The following ATG13 variants were observed in gnomAD, a reference collection of about 807,000 sequenced individuals.
ATG13 encodes the protein autophagy-related protein 13.
In ATG13, 23 loss-of-function variants were observed where a neutral mutation model predicts 65.5. The ratio of observed to expected loss-of-function variants is 0.35; its 90% CI spans 0.25 to 0.50. The LOEUF (loss-of-function observed/expected upper bound fraction) is 0.50, where lower values mean the gene tolerates loss of function less well. Among genes scored for constraint, ATG13 ranks in the 20% least tolerant of loss-of-function variants. The pLI is 0.98. For missense variants in ATG13, 566 were observed against 677.0 expected (o/e 0.84, Z 1.82); for synonymous variants, 252 against 245.2 (o/e 1.03, Z -0.26).
At position 46,645,206 on chromosome 11, in the gene ATG13, C is replaced by G. The variant is rs1035501202; in HGVS notation, c.70-133C>G. Reference sequence around the variant, plus strand: ...CTCAAAAATTAAAATTATACTGTTTCCCAAAGTATACTTATGATTAATTGG... The same window carrying G: ...CTCAAAAATTAAAATTATACTGTTTGCCAAAGTATACTTATGATTAATTGG... On this transcript the variant is annotated intron_variant, in intron 3 of 18. Coordinates refer to ENST00000683050, the MANE Select transcript of ATG13 (RefSeq NM_001346311.2). 6 of 661,428 alleles carry G rather than the reference C, an allele frequency of 9.1e-6. No homozygotes were observed. In the African/African-American group the frequency reaches 9.2e-5, roughly 10 times the overall value. 41.0% of individuals were successfully genotyped at this position (661,428 alleles called of 1,614,324 possible). A position where few individuals can be genotyped will look rare whatever the true frequency, so the allele number is the denominator to read the frequency against.
At chr11:46,641,611 C>CT (rs1224543906) in intron 2 of ATG13, among the ~76,000 whole-genome samples, 1 of 152,112 alleles carries the variant, frequency 6.6e-6, no homozygotes, top group Non-Finnish European at 1.5e-5. Flanking sequence ...GATTTATAGA[C>CT]TGAGAGGGGT....
rs1364299971 is a variant in ATG13 at position 46,650,140 on chromosome 11, A to T, written c.318-37A>T. Reference sequence around the variant, plus strand: ...TTGGTCTTGTGTAGCTCCAGCGCTAAATAGAAGAATGCTGACCATATCTTT... The same window carrying T: ...TTGGTCTTGTGTAGCTCCAGCGCTATATAGAAGAATGCTGACCATATCTTT... On this transcript the variant is annotated intron_variant, in intron 6 of 18. Transcript: ENST00000683050. 10 of 1,606,086 alleles carry T rather than the reference A, an allele frequency of 6.2e-6. No homozygotes were observed. The Admixed American group carries it at 1.3e-4, about 22-fold the overall frequency.
Position 46,645,436 on chromosome 11 carries a change from T to C in ATG13, c.150+17T>C. On this transcript the variant is annotated intron_variant, in intron 4 of 18. Transcript: ENST00000683050. ...TCAGATTGGGTAAAATTCTATTATT[T>C]ACTAAGGTGTATACTGTAGTGTTTG... The C allele has an allele frequency of 6.2e-7, 1 of 1,600,728 alleles. No individual in the cohort carries two copies. The highest frequency in any genetic ancestry group is 8.6e-7 in the Non-Finnish European group (1 of 1,168,772).
intron 12 of ATG13, 72 bp downstream of exon 12, chr11:46,664,167 T>A: frequency 5.1e-6 from 6 of 1,170,906 alleles, no homozygotes; most frequent in Non-Finnish European, 7.3e-6. Flanking sequence ...AAATAAATTA[T>A]AAGGTACAGT....
At position 46,672,242 on chromosome 11, in the gene ATG13, C is replaced by CT; in HGVS notation, c.1576-10dup. On this transcript the variant is annotated splice_polypyrimidine_tract_variant and intron_variant, in intron 18 of 18. Transcript: ENST00000683050. ...GCCTGAATAAACGGCTCTTCCCTCT[C>CT]TTTCCGGTACAGGACTCATTACCAG... is the stretch of plus-strand genomic sequence containing the variant. The CT allele has an allele frequency of 6.2e-7, 1 of 1,614,096 alleles. No homozygotes were observed. The highest frequency in any genetic ancestry group is 8.5e-7 in the Non-Finnish European group (1 of 1,179,940).
intron 13 of ATG13, 119 bp from the exon 14 acceptor site, chr11:46,665,264 A>G: frequency 8.0e-7 from 1 of 1,255,950 alleles, no homozygotes; most frequent in African/African-American, 1.5e-5. Context: ...ATTGCTGCCT[A>G]CTTGGTGGCA....
At chr11:46,635,505 G>T (rs2053642948) in intron 2 of ATG13, among the ~76,000 whole-genome samples, 2 of 152,152 alleles carry the variant, frequency 1.3e-5, no homozygotes, top group South Asian at 4.1e-4. Context: ...AGCAAGAGTT[G>T]CAGGATTTAG....
Position 46,664,071 on chromosome 11 carries a change from G to A in ATG13, c.864G>A (p.Met288Ile), listed in dbSNP as rs1440628687. ...TGACGGACACCCTGAGGGTCCCCAT[G>A]GCAGGACTGGCCTTTTCCCATCAAG... ...PVVTDTLRVP[M>I]AGLAFSHQLS... Residue 288 changes from methionine (M) to isoleucine (I), a missense_variant, in exon 12 of 19, where the codon ATG becomes ATA. Physicochemically the swap from Met to Ile is conservative, Grantham distance 10. Around this residue, in one of 2 missense-constraint regions of ATG13, gnomAD observed 387 missense variants for 409.8 expected, o/e 0.94. Transcript: ENST00000683050. 3.1e-6 allele frequency: 5 copies of A among 1,596,712 alleles called. No individual in the cohort carries two copies. The African/African-American group carries it at 5.4e-5, about 17-fold the overall frequency.
Position 46,672,544 on chromosome 11 carries a change from C to T in ATG13, c.*212C>T, listed in dbSNP as rs1223261311. ...CCAGTGCCCAGTTGGAGAAGACTCA[C>T]GTGCTGGCCTTGGAGATGGGAAGAA... On this transcript the variant is annotated 3_prime_UTR_variant, in exon 19 of 19. Transcript: ENST00000683050. The T allele has an allele frequency of 9.0e-6, 13 of 1,452,054 alleles. No homozygotes were observed. Among genetic ancestry groups the T allele is most frequent in the African/African-American group, 4.2e-5 (3 of 70,958 alleles). 89.9% of individuals were successfully genotyped at this position (1,452,054 alleles called of 1,614,324 possible). A position where few individuals can be genotyped will look rare whatever the true frequency, so the allele number is the denominator to read the frequency against.
intron 9 of ATG13, 128 bp downstream of exon 9, chr11:46,657,319 G>T: frequency 2.0e-6 from 2 of 980,918 alleles, no homozygotes; most frequent in Non-Finnish European, 1.5e-6. Flanking sequence ...AATAAAGAGA[G>T]AGTGCAGTTG....
Position 46,650,225 on chromosome 11 carries a change from A to G in ATG13, c.366A>G (p.Ser122=). 1 of 1,614,150 alleles carries G rather than the reference A, an allele frequency of 6.2e-7. No individual in the cohort carries two copies. The highest frequency in any genetic ancestry group is 2.2e-5 in the East Asian group (1 of 44,876). The change falls in exon 7 of 19, where the codon TCA becomes TCG. Residue 122 remains serine (S), a synonymous_variant. Transcript: ENST00000683050. The stretch of plus-strand genomic sequence containing the variant: ...CCTACACGGTGTACAACAGACTGTC[A>G]TTGCTGCTGAAGTCCCTTCTTGCTA... ...KVSYTVYNRL[S]LLLKSLLAIT... is the part of the protein sequence containing the mutation.
chr11:46,619,905 T>G (rs1410971791), intron 1 of ATG13, among the ~76,000 whole-genome samples: 1 of 150,086 alleles, frequency 6.7e-6, no homozygotes, highest in Non-Finnish European at 1.5e-5. Context: ...GTTGGGCGCC[T>G]GTAATCCCAC....
At chr11:46,645,029 A>G (rs2057159219) in intron 3 of ATG13, among the ~76,000 whole-genome samples, 1 of 152,214 alleles carries the variant, frequency 6.6e-6, no homozygotes, top group Non-Finnish European at 1.5e-5. Flanking sequence ...ACGTTTCTTT[A>G]TGAACATCAT....
At chr11:46,665,359 G>A in intron 13 of ATG13, 24 bp from the exon 14 acceptor site, 1 of 1,610,264 alleles carries the variant, frequency 6.2e-7, no homozygotes, top group Non-Finnish European at 8.5e-7. Flanking sequence ...ATGATTCACT[G>A]TCTCTTTCCA....
rs1491335322 is a variant in ATG13 at position 46,622,127 on chromosome 11, ATT to A, written c.-70+4239_-70+4240del. On this transcript the variant is annotated intron_variant, in intron 1 of 18. Transcript: ENST00000683050. ...TATATATATATATATATATATATAT[ATT>A]TATTTTAGAGATGGTATTTGCCCTG... Among the ~76,000 whole-genome samples the A allele has an allele frequency of 5.0e-4, 42 of 84,378 alleles. 2 individuals are homozygous for A. In the East Asian group the frequency reaches 0.013, roughly 26 times the overall value. 55.4% of individuals were successfully genotyped at this position (84,378 alleles called of 152,430 possible).
In ATG13 at chr11:46,667,846, G is replaced by A. The variant is rs1592251810; in HGVS notation, c.1210G>A (p.Val404Ile). ...SPHDVLETIF[V>I]RKVGAFVNKP... ...TCACGATGTCTTGGAGACCATCTTTGTCCGAAAAGTGGGGGCTTTTGTCAA... is the reference window on the plus strand; with the variant it reads ...TCACGATGTCTTGGAGACCATCTTTATCCGAAAAGTGGGGGCTTTTGTCAA... Residue 404 changes from valine (V) to isoleucine (I), a missense_variant, in exon 15 of 19, where the codon GTC becomes ATC. Coordinates refer to ENST00000683050, the MANE Select transcript of ATG13 (RefSeq NM_001346311.2). 1 of 1,613,026 alleles carries A rather than the reference G, an allele frequency of 6.2e-7. No individual in the cohort carries two copies. Among genetic ancestry groups the A allele is most frequent in the South Asian group, 1.1e-5 (1 of 91,070 alleles).
At chr11:46,662,151 A>G (rs548643954) in intron 11 of ATG13, among the ~76,000 whole-genome samples, 1 of 152,328 alleles carries the variant, frequency 6.6e-6, no homozygotes, top group African/African-American at 2.4e-5. Context: ...CCTAGTGCAC[A>G]TTAATAGAAG....
chr11:46,661,517 CAA>C (rs61349471), intron 11 of ATG13, among the ~76,000 whole-genome samples: 10 of 106,556 alleles, frequency 9.4e-5, no homozygotes, highest in African/African-American at 2.3e-4. Context: ...GACTCCGTCT[CAA>C]AAAAAAAAAA....
In ATG13 at chr11:46,634,948, G is replaced by A. The variant is rs947475811; in HGVS notation, c.-14+4848G>A. ...GAACTCCTGACCTTGTGATCCGCCC[G>A]ACTCAGCCTCCCAAAGTGCTGGGAT... On this transcript the variant is annotated intron_variant, in intron 2 of 18. Transcript: ENST00000683050. Among the ~76,000 whole-genome samples, 16 of 150,570 alleles carry A rather than the reference G, an allele frequency of 1.1e-4. 1 individual carries two copies. The highest frequency in any genetic ancestry group is 3.2e-4 in the African/African-American group (13 of 40,998).
Sources: allele counts gnomAD v4.1 joint callset (sites outside exome capture counted in the v4.1 genomes callset), GRCh38; gene constraint gnomAD v4.1.1; regional missense constraint gnomAD v4.1.1; transcripts MANE v1.5; gene names NCBI Gene and HGNC (gene_info 2026-07-23, HGNC 2026-07-21).